The following ITGA11 variants were observed in gnomAD, a reference collection of about 807,000 sequenced individuals.
ITGA11 encodes integrin subunit alpha 11, also known as integrin alpha-11.
A neutral mutation model predicts 141.9 loss-of-function variants in ITGA11; 97 were observed. The ratio of observed to expected loss-of-function variants is 0.68; its 90% CI spans 0.58 to 0.81. The LOEUF is 0.81. Ranked by LOEUF, ITGA11 falls within the 30% of genes least tolerant of loss-of-function variation. ITGA11 has a pLI of 0.00. For synonymous variants in ITGA11, 658 were observed against 624.6 expected (o/e 1.05, Z -0.80); for missense variants, 1,387 against 1,559.2 (o/e 0.89, Z 1.86).
At chr15:68,418,939 G>C (rs372854683) in intron 1 of ITGA11, among the ~76,000 whole-genome samples, 18 of 152,118 alleles carry the variant, frequency 1.2e-4, no homozygotes, top group African/African-American at 4.1e-4. Context: ...TTGTGGCAGG[G>C]CTTTCCCTCA....
chr15:68,416,824 G>C (rs1287892951), intron 1 of ITGA11, among the ~76,000 whole-genome samples: 8 of 152,150 alleles, frequency 5.3e-5, no homozygotes, highest in African/African-American at 1.7e-4. Context: ...GCTGAGGTAG[G>C]AGAATTGCTT....
intron 5 of ITGA11, among the ~76,000 whole-genome samples, chr15:68,358,788 C>T (rs776206123): frequency 2.0e-5 from 3 of 152,248 alleles, no homozygotes; most frequent in Non-Finnish European, 4.4e-5. Context: ...TACCACTCTG[C>T]TGGCTGTTTG....
chr15:68,360,331 TTTA>T (rs1295105859), intron 5 of ITGA11, among the ~76,000 whole-genome samples: 1 of 152,200 alleles, frequency 6.6e-6, no homozygotes, highest in African/African-American at 2.4e-5. Flanking sequence ...TTAAGCCAGC[TTTA>T]TTATTATAAT....
intron 1 of ITGA11, among the ~76,000 whole-genome samples, chr15:68,430,725 T>C (rs1048218396): frequency 5.9e-5 from 9 of 152,202 alleles, no homozygotes; most frequent in Non-Finnish European, 1.3e-4. Flanking sequence ...GTGGCAGTTC[T>C]TCCCCTGCTC....
intron 11 of ITGA11, among the ~76,000 whole-genome samples, chr15:68,338,863 C>G (rs1291376680): frequency 1.3e-5 from 2 of 152,184 alleles, no homozygotes; most frequent in Admixed American, 6.5e-5. Context: ...AACATCACCC[C>G]CCTTGCCGCC....
At chr15:68,377,247 T>C (rs1384855270) in intron 2 of ITGA11, among the ~76,000 whole-genome samples, 2 of 152,228 alleles carry the variant, frequency 1.3e-5, no homozygotes. Flanking sequence ...CTAGTGTTCA[T>C]GTTGCAGAAC....
intron 22 of ITGA11, among the ~76,000 whole-genome samples, chr15:68,314,120 T>A (rs1266028672): frequency 6.6e-6 from 1 of 152,206 alleles, no homozygotes; most frequent in Non-Finnish European, 1.5e-5. Flanking sequence ...CTGGGAGGCC[T>A]GTGCCTGGCC....
In ITGA11 at chr15:68,328,203, A is replaced by G. The variant is rs776379451; in HGVS notation, c.1961T>C (p.Ile654Thr). 6.2e-7 allele frequency: 1 copy of G among 1,613,942 alleles called. No homozygotes were observed. Among genetic ancestry groups the G allele is most frequent in the Non-Finnish European group, 8.5e-7 (1 of 1,179,892 alleles). Residue 654 changes from isoleucine to threonine, a missense_variant, in exon 16 of 30, where the codon ATC (isoleucine) becomes ACC (threonine). Physicochemically the swap from Ile to Thr is moderately conservative, Grantham distance 89. Transcript: ENST00000315757. This position sits in a 1 kb window ranked among gnomAD's most constrained non-coding sequence, Gnocchi z 4.8. ...ACTGCGCTTGCAGTCTCTGTGGAAG[A>G]TGTTGATCTTGGATGGCTCAAAGTG... ...SLHFEPSKIN[I>T]FHRDCKRSGR...
chr15:68,364,662 C>G (rs1235091867), intron 4 of ITGA11, 45 bp downstream of exon 4: 1 of 1,313,828 alleles, frequency 7.6e-7, no homozygotes. Flanking sequence ...TCCCCACCCC[C>G]ACCCCTGCCT....
chr15:68,331,946 C>A lies in ITGA11; in HGVS notation c.1683G>T (p.Val561=). The change falls in exon 14 of 30, where the codon GTG becomes GTT. Residue 561 remains valine (V), a synonymous_variant. Transcript: ENST00000315757. ...GGTTGTCCTCCAGGGGGGCTCCCAC[C>A]ACCACGTCATTGTAGGAATCCTGGT... ...DLNQDSYNDV[V]VGAPLEDNHA... 1.2e-6 allele frequency: 2 copies of A among 1,613,446 alleles called. No homozygotes were observed. The highest frequency in any genetic ancestry group is 1.7e-6 in the Non-Finnish European group (2 of 1,179,720).
chr15:68,419,405 G>A (rs1048304552), intron 1 of ITGA11, among the ~76,000 whole-genome samples: 15 of 152,286 alleles, frequency 9.8e-5, no homozygotes, highest in Admixed American at 3.3e-4. Context: ...GCCTAGAGTG[G>A]CCATTTGTTT....
chr15:68,418,934 G>A (rs2140433995), intron 1 of ITGA11, among the ~76,000 whole-genome samples: 1 of 152,126 alleles, frequency 6.6e-6, no homozygotes, highest in Middle Eastern at 3.4e-3. Context: ...GCAATTTGTG[G>A]CAGGGCTTTC....
At chr15:68,391,278 G>T (rs191241854) in intron 2 of ITGA11, among the ~76,000 whole-genome samples, 1 of 152,324 alleles carries the variant, frequency 6.6e-6, no homozygotes, top group Non-Finnish European at 1.5e-5. Context: ...TCCAGTGGCT[G>T]CAATGGGTGG....
chr15:68,402,472 G>T (rs1279636752), intron 2 of ITGA11, among the ~76,000 whole-genome samples: 1 of 152,010 alleles, frequency 6.6e-6, no homozygotes, highest in Non-Finnish European at 1.5e-5. Flanking sequence ...GAGGGCTCTT[G>T]GGGATCTTTC....
At chr15:68,378,511 C>T (rs147279323) in intron 2 of ITGA11, among the ~76,000 whole-genome samples, 211 of 151,982 alleles carry the variant, frequency 1.4e-3, no homozygotes, top group African/African-American at 4.8e-3. Flanking sequence ...GGTATGGTGG[C>T]ATGTGCCTGT....
intron 1 of ITGA11, among the ~76,000 whole-genome samples, chr15:68,406,642 T>C (rs1896657059): frequency 6.6e-6 from 1 of 152,194 alleles, no homozygotes; most frequent in African/African-American, 2.4e-5. Flanking sequence ...ATTTAGAATA[T>C]TCCTATAGTC....
intron 10 of ITGA11, 70 bp downstream of exon 10, chr15:68,348,760 G>A (rs1595871239): frequency 1.5e-6 from 2 of 1,343,986 alleles, no homozygotes; most frequent in Middle Eastern, 1.8e-4. Context: ...GATCCAGAGA[G>A]CTAGAAAGGG....
At chr15:68,404,430 C>G (rs73433964) in intron 1 of ITGA11, among the ~76,000 whole-genome samples, 5,691 of 152,254 alleles carry the variant, frequency 0.037, 172 homozygotes, top group African/African-American at 0.084. Flanking sequence ...TTCTTCCTGG[C>G]AGGAAGCCTG....
At chr15:68,312,195 G>C (rs533984824) in intron 24 of ITGA11, among the ~76,000 whole-genome samples, 1 of 152,338 alleles carries the variant, frequency 6.6e-6, no homozygotes, top group South Asian at 2.1e-4. Flanking sequence ...CGAGACAAAA[G>C]GCCACATTTC....
Sources: gnomAD v4.1 joint callset for allele counts (sites outside exome capture counted in the v4.1 genomes callset) on GRCh38, gnomAD v4.1.1 for gene constraint, Gnocchi (gnomAD v3.1) non-coding constraint, MANE v1.5 for transcripts, NCBI Gene and HGNC (gene_info 2026-07-23, HGNC 2026-07-21) for gene names.